The following MAP3K20 variants were observed in gnomAD, a reference collection of about 807,000 sequenced individuals.
MAP3K20 encodes the protein HCCS-4.
Under a neutral mutation model 85.7 loss-of-function variants are expected in MAP3K20, and 40 were observed. The ratio of observed to expected loss-of-function variants is 0.47; its 90% confidence interval spans 0.36 to 0.61. MAP3K20 has a LOEUF of 0.61. MAP3K20 is among the 20% of genes least tolerant of loss of function. MAP3K20 has a pLI of 0.00. For synonymous variants in MAP3K20, 325 were observed against 327.7 expected (o/e 0.99, Z 0.09); for missense variants, 817 against 961.7 (o/e 0.85, Z 1.99).
chr2:173,087,572 C>T (rs778717536), intron 1 of MAP3K20, among the ~76,000 whole-genome samples: 1 of 152,124 alleles, frequency 6.6e-6, no homozygotes, highest in Non-Finnish European at 1.5e-5. Context: ...TAAACATATC[C>T]TATTAAAATT....
At chr2:173,245,233 C>T (rs1385792339) in intron 16 of MAP3K20, among the ~76,000 whole-genome samples, 1 of 152,078 alleles carries the variant, frequency 6.6e-6, no homozygotes, top group Non-Finnish European at 1.5e-5. Context: ...AAACCCTGTC[C>T]ACCTTTGTCC....
chr2:173,227,230 C>G (rs1355275555), intron 11 of MAP3K20: 1 of 747,610 alleles, frequency 1.3e-6, no homozygotes, highest in Non-Finnish European at 1.6e-6. Context: ...TTGTCACACG[C>G]ATGCAAACAA....
At chr2:173,151,304 A>T (rs1689300428) in intron 2 of MAP3K20, among the ~76,000 whole-genome samples, 1 of 152,186 alleles carries the variant, frequency 6.6e-6, no homozygotes, top group East Asian at 1.9e-4. Flanking sequence ...TCTAAGAAGC[A>T]CCCATGCCTG....
chr2:173,140,155 G>A (rs928893509), intron 2 of MAP3K20, among the ~76,000 whole-genome samples: 1 of 151,924 alleles, frequency 6.6e-6, no homozygotes, highest in African/African-American at 2.4e-5. Flanking sequence ...GGAATTACAG[G>A]CGCGTGCCAC....
At chr2:173,134,385 TC>T (rs1688714956) in intron 2 of MAP3K20, among the ~76,000 whole-genome samples, 1 of 89,684 alleles carries the variant, frequency 1.1e-5, no homozygotes, top group Non-Finnish European at 2.3e-5. Flanking sequence ...TGTGTGTGTG[TC>T]TCTATACATA....
chr2:173,256,672 T>G (rs1451228613), intron 16 of MAP3K20, among the ~76,000 whole-genome samples: 2 of 152,170 alleles, frequency 1.3e-5, no homozygotes, highest in African/African-American at 4.8e-5. Context: ...GTTGAAAGAA[T>G]TTTACAGTGA....
intron 16 of MAP3K20, among the ~76,000 whole-genome samples, chr2:173,244,511 C>T (rs1684870726): frequency 6.6e-6 from 1 of 152,150 alleles, no homozygotes; most frequent in Admixed American, 6.5e-5. Context: ...AAAGAGATAA[C>T]AAGAGAAAGT....
intron 14 of MAP3K20, among the ~76,000 whole-genome samples, chr2:173,235,148 AG>A (rs1291381201): frequency 6.6e-6 from 1 of 152,212 alleles, no homozygotes; most frequent in East Asian, 1.9e-4. Flanking sequence ...GATTTATTAG[AG>A]AAAGTGTGAA....
intron 11 of MAP3K20, chr2:173,222,315 T>C: frequency 1.0e-6 from 1 of 985,898 alleles, no homozygotes; most frequent in African/African-American, 1.7e-5. Flanking sequence ...GTGCTGAGAA[T>C]TTTTAGTACT....
intron 7 of MAP3K20, among the ~76,000 whole-genome samples, chr2:173,196,720 T>C (rs571001021): frequency 6.6e-6 from 1 of 152,332 alleles, no homozygotes; most frequent in South Asian, 2.1e-4. Context: ...TCCATCTACG[T>C]TCCTATTAGA....
At chr2:173,156,790 A>G (rs780630300) in intron 2 of MAP3K20, among the ~76,000 whole-genome samples, 3 of 152,348 alleles carry the variant, frequency 2.0e-5, no homozygotes, top group Admixed American at 1.3e-4. Flanking sequence ...GAGCTAAAGT[A>G]GAATGCTGGT....
intron 11 of MAP3K20, chr2:173,221,096 T>C (rs1336757706): frequency 5.7e-6 from 8 of 1,412,960 alleles, no homozygotes; most frequent in Non-Finnish European, 7.5e-6. Context: ...TTTTCCTGAT[T>C]TAAATTGGTC....
chr2:173,264,160 T>C (rs564356091), intron 19 of MAP3K20, among the ~76,000 whole-genome samples: 1 of 152,312 alleles, frequency 6.6e-6, no homozygotes, highest in Admixed American at 6.5e-5. Flanking sequence ...GAATCAGAAC[T>C]CTGGGGATAG....
intron 2 of MAP3K20, among the ~76,000 whole-genome samples, chr2:173,161,115 C>T (rs1042264629): frequency 2.6e-5 from 4 of 152,172 alleles, no homozygotes; most frequent in African/African-American, 9.7e-5. Flanking sequence ...GCAAAGAAAA[C>T]GTACAATGCA....
intron 16 of MAP3K20, among the ~76,000 whole-genome samples, chr2:173,248,328 T>C (rs1684968489): frequency 6.6e-6 from 1 of 152,240 alleles, no homozygotes; most frequent in African/African-American, 2.4e-5. Flanking sequence ...TACCCTGTCT[T>C]ATATATGTAT....
At chr2:173,245,139 T>A (rs1302349476) in intron 16 of MAP3K20, among the ~76,000 whole-genome samples, 1 of 152,146 alleles carries the variant, frequency 6.6e-6, no homozygotes, top group East Asian at 1.9e-4. Context: ...TAACTACCCC[T>A]TAAAATTATG....
At chr2:173,229,086 A>G (rs969129304) in intron 11 of MAP3K20, among the ~76,000 whole-genome samples, 3 of 152,244 alleles carry the variant, frequency 2.0e-5, no homozygotes, top group African/African-American at 4.8e-5. Context: ...CTCTGGAGGC[A>G]TCTTCATTTG....
intron 17 of MAP3K20, among the ~76,000 whole-genome samples, chr2:173,259,559 G>A (rs62174396): frequency 6.6e-6 from 1 of 152,098 alleles, no homozygotes; most frequent in Non-Finnish European, 1.5e-5. Flanking sequence ...TATTCACCAG[G>A]TCTTTGGTTT....
At chr2:173,233,415 T>C (rs2106332361) in intron 14 of MAP3K20, among the ~76,000 whole-genome samples, 1 of 152,324 alleles carries the variant, frequency 6.6e-6, no homozygotes, top group African/African-American at 2.4e-5. Context: ...GTGTTCATTG[T>C]GGTGGTCGTG....
Sources: gnomAD v4.1 joint callset for allele counts (sites outside exome capture counted in the v4.1 genomes callset) on GRCh38, gnomAD v4.1.1 for gene constraint, MANE v1.5 for transcripts, NCBI Gene and HGNC (gene_info 2026-07-23, HGNC 2026-07-21) for gene names.